Variants in AKAP9 observed in about 807,000 individuals in gnomAD.
AKAP9 encodes A-kinase anchoring protein 9, also known as A-kinase anchor protein 9.
In AKAP9, 311 loss-of-function variants were observed where a neutral mutation model predicts 488.5. The observed-to-expected ratio is 0.64, with a 90% CI of 0.58 to 0.70. AKAP9 has a LOEUF of 0.70. AKAP9 is among the 30% of genes least tolerant of loss of function. The pLI is 0.00. For missense variants in AKAP9, 4,215 were observed against 4,374.5 expected, an observed-to-expected ratio of 0.96 and a Z score of 1.03; for synonymous variants, 1,462 against 1,483.5, an observed-to-expected ratio of 0.99 and a Z score of 0.33.
chr7:91,978,537 ACTT>A (rs890488879), intron 2 of AKAP9, among the ~76,000 whole-genome samples: 1 of 152,134 alleles, frequency 6.6e-6, no homozygotes, highest in African/African-American at 2.4e-5. Context: ...TCTTTCTACT[ACTT>A]CTTTTAGGGA....
chr7:92,045,072 G>A lies in AKAP9; in HGVS notation c.5227G>A (p.Ala1743Thr), dbSNP rs769653270. ...CCTCTTAGAAGTTGTAAAGACAACA[G>A]CAGCTGTTGAAGAAACAATTGGTCG... ...KILLEVVKTTAAVEETIGRHV... is the reference protein window; with the variant it reads ...KILLEVVKTTTAVEETIGRHV... Residue 1743 changes from alanine to threonine, a missense_variant, in exon 21 of 50, where the codon GCA becomes ACA. Around this residue, in one of 5 missense-constraint regions of AKAP9, gnomAD observed 2,361 missense variants for 2,430.0 expected, o/e 0.97. Coordinates refer to ENST00000356239, the MANE Select transcript of AKAP9 (RefSeq NM_005751.5). The A allele has an allele frequency of 1.9e-5, 30 of 1,613,588 alleles. No homozygotes were observed. The highest frequency in any genetic ancestry group is 2.5e-5 in the Non-Finnish European group (30 of 1,179,902).
At chr7:91,949,621 G>A (rs934501370) in intron 1 of AKAP9, among the ~76,000 whole-genome samples, 1 of 152,120 alleles carries the variant, frequency 6.6e-6, no homozygotes, top group Admixed American at 6.5e-5. Context: ...TTTTGTCTTA[G>A]TCATCACCAA....
intron 24 of AKAP9, chr7:92,063,495 G>C (rs1466531681): frequency 2.0e-6 from 2 of 984,612 alleles, no homozygotes; most frequent in African/African-American, 3.5e-5. Flanking sequence ...GCAGCACCAG[G>C]AGCAGGTGTG....
intron 14 of AKAP9, among the ~76,000 whole-genome samples, chr7:92,029,052 G>A (rs1803785970): frequency 6.6e-6 from 1 of 151,988 alleles, no homozygotes; most frequent in Admixed American, 6.6e-5. Flanking sequence ...TAAGAAAGCA[G>A]CATAGTTACA....
intron 42 of AKAP9, 133 bp from the exon 43 acceptor site, chr7:92,097,976 C>A: frequency 1.2e-6 from 1 of 861,896 alleles, no homozygotes; most frequent in Non-Finnish European, 1.9e-6. Flanking sequence ...AACACTTTGA[C>A]CCAGGGAAGA....
At chr7:92,016,449 G>A (rs1006828061) in intron 11 of AKAP9, among the ~76,000 whole-genome samples, 182 bp downstream of exon 11, 4 of 151,972 alleles carry the variant, frequency 2.6e-5, no homozygotes, top group South Asian at 4.1e-4. Context: ...TTTATAATGC[G>A]ATAATGGTGA....
At chr7:92,085,779 T>C in intron 36 of AKAP9, 93 bp downstream of exon 36, 4 of 999,322 alleles carry the variant, frequency 4.0e-6, no homozygotes, top group Non-Finnish European at 5.7e-6. Context: ...ATACATATTT[T>C]TGCATGAATA....
In AKAP9 at chr7:92,040,658, T is replaced by A; in HGVS notation, c.4693-16T>A. 2 of 1,489,226 alleles carry A rather than the reference T, an allele frequency of 1.3e-6. No individual in the cohort carries two copies. The highest frequency in any genetic ancestry group is 2.4e-5 in the East Asian group (1 of 41,338). 92.3% of individuals were successfully genotyped at this position (1,489,226 alleles called of 1,614,324 possible). A position where few individuals can be genotyped will look rare whatever the true frequency, so the allele number is the denominator to read the frequency against. On this transcript the variant is annotated splice_polypyrimidine_tract_variant and intron_variant, in intron 17 of 49. Coordinates refer to ENST00000356239, the MANE Select transcript of AKAP9 (RefSeq NM_005751.5). ...TTATGGTTGAATTGTTTTTTTTTTT[T>A]TTTTTACTATTAAAGATTCATGATG...
At chr7:91,986,098 G>A (rs1392904446) in intron 3 of AKAP9, among the ~76,000 whole-genome samples, 1 of 152,146 alleles carries the variant, frequency 6.6e-6, no homozygotes, top group African/African-American at 2.4e-5. Flanking sequence ...TTCAGAGCCT[G>A]TTATTGGTCT....
intron 31 of AKAP9, among the ~76,000 whole-genome samples, chr7:92,081,494 TA>T (rs58438954): frequency 0.26 from 20,262 of 78,074 alleles, 1,906 homozygotes; most frequent in East Asian, 0.43. Context: ...TATATATATA[TA>T]TATTTTTTTT....
intron 16 of AKAP9, among the ~76,000 whole-genome samples, chr7:92,033,142 T>C (rs1368013200): frequency 6.6e-6 from 1 of 152,152 alleles, no homozygotes; most frequent in Non-Finnish European, 1.5e-5. Context: ...CATGATGATG[T>C]TTTATAAAGC....
chr7:92,108,895 T>TGAC, intron 49 of AKAP9: 1 of 511,118 alleles, frequency 2.0e-6, no homozygotes, highest in Non-Finnish European at 3.6e-6. Flanking sequence ...AGCGGACTGA[T>TGAC]GACACAAAAT....
rs60385804 is a variant in AKAP9 at position 91,980,495 on chromosome 7, C to CTTTTTTTTTTTTTTTTTTTTTTTTTTTT, written c.351+185_351+186insTTTTTTTTTTTTTTTTTTTTTTTTTTTT. Among the ~76,000 whole-genome samples the CTTTTTTTTTTTTTTTTTTTTTTTTTTTT allele has an allele frequency of 4.1e-5, 2 of 48,768 alleles. 1 individual carries two copies. The highest frequency in any genetic ancestry group is 6.6e-5 in the Non-Finnish European group (2 of 30,218). The allele number at this position is 48,768 out of a possible 152,430, so 32.0% of individuals were successfully genotyped here. A position where few individuals can be genotyped will look rare whatever the true frequency, so the allele number is the denominator to read the frequency against. On this transcript the variant is annotated intron_variant, in intron 3 of 49. Transcript: ENST00000356239. ...GAACCTGAGGATTATGTATTACTGA[C>CTTTTTTTTTTTTTTTTTTTTTTTTTTTT]TTTTTTTTTTTTTTTTTTTTTTTCA...
At chr7:91,984,862 GATTCCTAGGTATTTT>G (rs60851720) in intron 3 of AKAP9, among the ~76,000 whole-genome samples, 5,239 of 152,156 alleles carry the variant, frequency 0.034, 263 homozygotes, top group African/African-American at 0.11. Context: ...TTGTAAGTTG[GATTCCTAGGTATTTT>G]ATTCTCTTTG....
At position 92,070,296 on chromosome 7, in the gene AKAP9, A is replaced by T. The variant is rs1032221500; in HGVS notation, c.6507+90A>T. ...CTTCTTGTAGGTATTATTACATATT[A>T]TGTTTATATCTCTGTTGACATTGTA... On this transcript the variant is annotated intron_variant, in intron 27 of 49. Coordinates refer to ENST00000356239, the MANE Select transcript of AKAP9 (RefSeq NM_005751.5). The T allele has an allele frequency of 3.8e-6, 5 of 1,330,760 alleles. No individual in the cohort carries two copies. In the Admixed American group the frequency reaches 6.8e-5, roughly 18 times the overall value. The allele number at this position is 1,330,760 out of a possible 1,614,324, so 82.4% of individuals were successfully genotyped here. A position where few individuals can be genotyped will look rare whatever the true frequency, so the allele number is the denominator to read the frequency against.
rs369727616 is a variant in AKAP9, at chr7:92,089,388, G to A, written c.9217G>A (p.Val3073Ile). 7 of 1,611,660 alleles carry A rather than the reference G, an allele frequency of 4.3e-6. No homozygotes were observed. Among genetic ancestry groups the A allele is most frequent in the South Asian group, 3.3e-5 (3 of 90,984 alleles). ...CLEQRIQEQG[V>I]EYQAAMECLQ... ...TTTTTACCTTCCTTTGTTACAGGGT[G>A]TTGAATATCAAGCAGCTATGGAATG... The change falls in exon 38 of 50, where the codon GTT becomes ATT. Residue 3073 changes from valine (V) to isoleucine (I), a missense_variant. Physicochemically the swap from Val to Ile is conservative, Grantham distance 29. This residue lies in a region of AKAP9 where 1,476 missense variants were observed against 1,477.4 expected (regional missense o/e 1.00). Transcript: ENST00000356239.
intron 46 of AKAP9, among the ~76,000 whole-genome samples, chr7:92,103,724 A>C (rs937301626): frequency 1.1e-4 from 16 of 151,994 alleles, no homozygotes; most frequent in African/African-American, 3.9e-4. Flanking sequence ...GAATAAGCCC[A>C]TGAACAAGCT....
chr7:91,978,103 A>G (rs1466008679), intron 2 of AKAP9, among the ~76,000 whole-genome samples: 6 of 151,900 alleles, frequency 3.9e-5, no homozygotes, highest in Admixed American at 3.3e-4. Context: ...TTAACTGGGC[A>G]TGTTGGTGCG....
At chr7:91,941,264 G>A (rs1218141191) in intron 1 of AKAP9, 117 bp downstream of exon 1, 1 of 1,003,914 alleles carries the variant, frequency 1.0e-6, no homozygotes, top group Admixed American at 1.9e-5. Context: ...AGAGGGAGGT[G>A]CTGCAGGGTC....
Sources: gnomAD v4.1 joint callset for allele counts (sites outside exome capture counted in the v4.1 genomes callset) on GRCh38, gnomAD v4.1.1 for gene constraint, gnomAD v4.1.1 regional missense constraint, MANE v1.5 for transcripts, NCBI Gene and HGNC (gene_info 2026-07-23, HGNC 2026-07-21) for gene names.